RUNX1T1: variants seen among roughly 807,000 people sequenced by gnomAD.
The protein encoded by RUNX1T1 is protein CBFA2T1.
In RUNX1T1, 4 loss-of-function variants were observed where a neutral mutation model predicts 62.8. The observed-to-expected ratio is 0.06, with a 90% CI of 0.03 to 0.15. RUNX1T1 has a LOEUF of 0.15. Among genes scored for constraint, RUNX1T1 ranks in the 10% least tolerant of loss-of-function variants. RUNX1T1 has a pLI of 1.00. For missense variants in RUNX1T1, 508 were observed against 754.3 expected, an observed-to-expected ratio of 0.67 and a Z score of 3.82; for synonymous variants, 291 against 286.0, an observed-to-expected ratio of 1.02 and a Z score of -0.18.
intron 8 of RUNX1T1, among the ~76,000 whole-genome samples, chr8:91,981,577 G>A (rs1815283481): frequency 6.6e-6 from 1 of 151,484 alleles, no homozygotes; most frequent in African/African-American, 2.4e-5. Context: ...ACCATTATCT[G>A]GCTAATTTTT....
At chr8:91,982,824 G>A (rs1815640659) in intron 8 of RUNX1T1, among the ~76,000 whole-genome samples, 1 of 149,154 alleles carries the variant, frequency 6.7e-6, no homozygotes, top group Non-Finnish European at 1.5e-5. Flanking sequence ...TTAAAGAATA[G>A]AAATACCATT....
intron 1 of RUNX1T1, among the ~76,000 whole-genome samples, chr8:92,097,289 C>T (rs1837824670): frequency 6.6e-6 from 1 of 152,172 alleles, no homozygotes; most frequent in Non-Finnish European, 1.5e-5. Context: ...TGGCTGGCTA[C>T]ATTACAAAAT....
At chr8:92,030,594 G>C (rs1826040321) in intron 1 of RUNX1T1, among the ~76,000 whole-genome samples, 1 of 152,104 alleles carries the variant, frequency 6.6e-6, no homozygotes, top group Non-Finnish European at 1.5e-5. Context: ...CACTGCAATG[G>C]GGCTTCTATC....
chr8:92,010,983 C>A lies in RUNX1T1; in HGVS notation c.477+19G>T. 7.3e-7 allele frequency: 1 copy of A among 1,371,486 alleles called. No individual in the cohort carries two copies. Among genetic ancestry groups the A allele is most frequent in the East Asian group, 2.3e-5 (1 of 43,668 alleles). 85.0% of individuals were successfully genotyped at this position (1,371,486 alleles called of 1,614,324 possible). A position where few individuals can be genotyped will look rare whatever the true frequency, so the allele number is the denominator to read the frequency against. The stretch of plus-strand genomic sequence containing the variant: ...AATATGGTTTAAAATACTTTACAGA[C>A]CAGTGAACTGTGCAATACCTTCAAA... On this transcript the variant is annotated intron_variant, in intron 4 of 10. Transcript: ENST00000396218.
intron 5 of RUNX1T1, among the ~76,000 whole-genome samples, chr8:91,997,891 CTTACT>C (rs1819011154): frequency 6.6e-6 from 1 of 152,152 alleles, no homozygotes; most frequent in African/African-American, 2.4e-5. Context: ...GCATTGAAGA[CTTACT>C]TTATTTTATT....
At chr8:92,060,522 A>AATATATATATAT (rs61066655) in intron 1 of RUNX1T1, among the ~76,000 whole-genome samples, 82 of 76,272 alleles carry the variant, frequency 1.1e-3, no homozygotes, top group South Asian at 1.4e-3. Context: ...TCAACTACCA[A>AATATATATATAT]ATATATATAT....
At chr8:91,981,034 G>A (rs895871752) in intron 8 of RUNX1T1, among the ~76,000 whole-genome samples, 1 of 152,140 alleles carries the variant, frequency 6.6e-6, no homozygotes, top group Non-Finnish European at 1.5e-5. Flanking sequence ...CTTCTACTAT[G>A]TGTCAGGCAC....
intron 3 of RUNX1T1, among the ~76,000 whole-genome samples, chr8:92,012,250 A>T (rs1822091568): frequency 6.6e-6 from 1 of 152,176 alleles, no homozygotes; most frequent in African/African-American, 2.4e-5. Flanking sequence ...TTTCAAAAGG[A>T]CAGTACTTCC....
At chr8:92,016,236 G>T (rs1282976869) in intron 2 of RUNX1T1, among the ~76,000 whole-genome samples, 1 of 152,110 alleles carries the variant, frequency 6.6e-6, no homozygotes, top group East Asian at 1.9e-4. Context: ...AAATACACAG[G>T]AAAGAATGGG....
At chr8:92,044,344 G>A (rs1256146896) in intron 1 of RUNX1T1, among the ~76,000 whole-genome samples, 2 of 152,208 alleles carry the variant, frequency 1.3e-5, no homozygotes, top group Non-Finnish European at 2.9e-5. Context: ...TTTTGTGAAT[G>A]AGTAAACCAA....
At chr8:92,026,695 G>A (rs914712504) in intron 1 of RUNX1T1, among the ~76,000 whole-genome samples, 9 of 152,072 alleles carry the variant, frequency 5.9e-5, no homozygotes, top group Admixed American at 2.6e-4. Flanking sequence ...GGTGGCGGGC[G>A]CCTGTAGTCC....
chr8:92,102,635 G>A (rs1838093088), upstream of RUNX1T1, among the ~76,000 whole-genome samples: 1 of 152,110 alleles, frequency 6.6e-6, no homozygotes. This position sits in a 1 kb window ranked among gnomAD's most constrained non-coding sequence, Gnocchi z 4.5. Context: ...TGCATCCTCG[G>A]CTGACCCGCG....
Position 91,970,853 on chromosome 8 carries a change from G to T in RUNX1T1, c.1268-5C>A. ...TCACCTCATTGACGGCCTCCTCTGT[G>T]TGCCAGTCAGGCCAAACCAGACAAG... On this transcript the variant is annotated splice_polypyrimidine_tract_variant and splice_region_variant and intron_variant, in intron 9 of 10. Coordinates refer to ENST00000396218, the Ensembl canonical transcript of RUNX1T1. 6.2e-7 allele frequency: 1 copy of T among 1,602,946 alleles called. No homozygotes were observed.
At chr8:91,979,998 AGAGTT>A (rs1408558646) in intron 8 of RUNX1T1, 1 of 302,242 alleles carries the variant, frequency 3.3e-6, no homozygotes, top group African/African-American at 2.2e-5. Context: ...AAAGAAAGAA[AGAGTT>A]AAGTAATTTT....
chr8:91,996,668 C>T (rs1323735631), intron 5 of RUNX1T1, among the ~76,000 whole-genome samples: 1 of 152,082 alleles, frequency 6.6e-6, no homozygotes, highest in Non-Finnish European at 1.5e-5. Context: ...TCTCCAGTTA[C>T]TTAACTTTCT....
intron 8 of RUNX1T1, among the ~76,000 whole-genome samples, chr8:91,978,747 A>G (rs180794163): frequency 6.6e-6 from 1 of 152,272 alleles, no homozygotes; most frequent in African/African-American, 2.4e-5. Flanking sequence ...AATTGACTCA[A>G]ATATTAACGT....
chr8:91,970,825 G>T (rs1381105316), exon 10 of RUNX1T1: 2 of 1,610,368 alleles, frequency 1.2e-6, no homozygotes, highest in Non-Finnish European at 8.5e-7. Flanking sequence ...ATCGCCTGGC[G>T]CTTCACCTCA....
At chr8:92,103,151 A>G (rs943063890), upstream of RUNX1T1, 2 of 377,006 alleles carry the variant, frequency 5.3e-6, no homozygotes, top group Non-Finnish European at 9.4e-6. Flanking sequence ...AGACTTGCGG[A>G]GCTCTGCTCC....
At chr8:92,054,926 AC>A (rs1830796047) in intron 1 of RUNX1T1, among the ~76,000 whole-genome samples, 1 of 151,900 alleles carries the variant, frequency 6.6e-6, no homozygotes, top group Admixed American at 6.6e-5. Flanking sequence ...AACTGCTTGA[AC>A]CCGGGAGATG....
Sources: allele counts gnomAD v4.1 joint callset (sites outside exome capture counted in the v4.1 genomes callset), GRCh38; gene constraint gnomAD v4.1.1; non-coding constraint Gnocchi (gnomAD v3.1); transcripts MANE v1.5; gene names NCBI Gene and HGNC (gene_info 2026-07-23, HGNC 2026-07-21).